The following LRRIQ1 variants were observed in gnomAD, a reference collection of about 807,000 sequenced individuals.
The protein encoded by LRRIQ1 is leucine rich repeats and IQ motif containing 1.
A neutral mutation model predicts 211.9 loss-of-function variants in LRRIQ1; 210 were observed. The observed-to-expected ratio is 0.99, with a 90% CI of 0.89 to 1.11. The LOEUF (loss-of-function observed/expected upper bound fraction) is 1.11. LRRIQ1 is among the 50% of genes most tolerant of loss of function. The pLI is 0.00. For synonymous variants in LRRIQ1, 699 were observed against 650.1 expected, an observed-to-expected ratio of 1.08 and a Z score of -1.14; for missense variants, 2,136 against 1,939.5, an observed-to-expected ratio of 1.10 and a Z score of -1.90.
rs150938936 is a variant in LRRIQ1 at position 85,195,510 on chromosome 12, C to T, written c.4823-34007C>T. Reference sequence around the variant, plus strand: ...TGGGCTTCATCCCTGGGATGCAAGGCTGGTTCAATATACCCAAATCAATTT... The same window carrying T: ...TGGGCTTCATCCCTGGGATGCAAGGTTGGTTCAATATACCCAAATCAATTT... On this transcript the variant is annotated intron_variant, in intron 24 of 26. Transcript: ENST00000393217. Among the ~76,000 whole-genome samples the T allele has an allele frequency of 5.1e-3, 782 of 152,168 alleles. 5 individuals carry two copies. The highest frequency in any genetic ancestry group is 0.018 in the African/African-American group (744 of 41,494).
intron 11 of LRRIQ1, among the ~76,000 whole-genome samples, chr12:85,086,992 G>A (rs1389152287): frequency 6.6e-6 from 1 of 151,284 alleles, no homozygotes; most frequent in Non-Finnish European, 1.5e-5. Context: ...TGTGCACAAC[G>A]TGCAGGTTTG....
intron 15 of LRRIQ1, among the ~76,000 whole-genome samples, chr12:85,119,599 G>A (rs1011683176): frequency 1.3e-5 from 2 of 152,132 alleles, no homozygotes; most frequent in Non-Finnish European, 2.9e-5. Context: ...GTCTTCCAAA[G>A]TGGCTGTACC....
At chr12:85,054,815 T>C (rs1157039514) in intron 7 of LRRIQ1, among the ~76,000 whole-genome samples, 1 of 152,142 alleles carries the variant, frequency 6.6e-6, no homozygotes, top group East Asian at 1.9e-4. Context: ...AATAGTTTGA[T>C]TTTCTCAGAA....
intron 8 of LRRIQ1, among the ~76,000 whole-genome samples, chr12:85,064,117 C>T (rs768313067): frequency 1.4e-4 from 21 of 151,802 alleles, no homozygotes; most frequent in Admixed American, 3.3e-4. Context: ...CTGTTCTCCA[C>T]GGTGGCTGTA....
intron 24 of LRRIQ1, among the ~76,000 whole-genome samples, chr12:85,180,804 A>G (rs1891943208): frequency 6.6e-6 from 1 of 151,900 alleles, no homozygotes. Flanking sequence ...TTAGAATTTG[A>G]TTATAGTAAC....
intron 24 of LRRIQ1, among the ~76,000 whole-genome samples, chr12:85,198,107 TTATATATAATATATAA>T (rs2136999089): frequency 8.4e-6 from 1 of 119,282 alleles, no homozygotes; most frequent in Admixed American, 1.1e-4. Context: ...ATTATATTAT[TTATATATAATATATAA>T]TATATATTAT....
intron 18 of LRRIQ1, among the ~76,000 whole-genome samples, chr12:85,129,923 C>T (rs1006610402): frequency 2.0e-5 from 3 of 152,072 alleles, no homozygotes; most frequent in South Asian, 2.1e-4. Context: ...AGCACGGACC[C>T]GAGTATCAGC....
chr12:85,193,080 A>T (rs10862962), intron 24 of LRRIQ1, among the ~76,000 whole-genome samples: 134 of 108,224 alleles, frequency 1.2e-3, no homozygotes, highest in African/African-American at 4.8e-3. Context: ...ATATTTTATT[A>T]TATATAATTA....
chr12:85,098,797 TA>T, intron 12 of LRRIQ1, 69 bp from the exon 13 acceptor site: 1 of 1,184,938 alleles, frequency 8.4e-7, no homozygotes, highest in Non-Finnish European at 1.2e-6. Context: ...GAAGGTTGTG[TA>T]TTTTTTAATT....
intron 4 of LRRIQ1, among the ~76,000 whole-genome samples, chr12:85,045,259 G>A (rs996353147): frequency 6.6e-6 from 1 of 151,790 alleles, no homozygotes; most frequent in Non-Finnish European, 1.5e-5. Context: ...AATAAGAAGA[G>A]CCTTAGCAGT....
chr12:85,046,206 T>C (rs931710587), intron 5 of LRRIQ1, 69 bp downstream of exon 5: 3 of 880,454 alleles, frequency 3.4e-6, no homozygotes, highest in Admixed American at 4.2e-5. Context: ...TTAAAAAAAA[T>C]TGGACAGTTG....
chr12:85,161,232 G>A (rs1176081611), intron 24 of LRRIQ1, among the ~76,000 whole-genome samples: 4 of 151,888 alleles, frequency 2.6e-5, no homozygotes, highest in Non-Finnish European at 4.4e-5. Flanking sequence ...TGATTTCAAC[G>A]TTCAGAAAAA....
chr12:85,255,177 A>C (rs538621231), intron 1 of LRRIQ1, among the ~76,000 whole-genome samples: 1 of 151,884 alleles, frequency 6.6e-6, no homozygotes, highest in African/African-American at 2.4e-5. Context: ...ATACTCTACT[A>C]TAACTCCAGT....
chr12:85,107,724 A>G lies in LRRIQ1; in HGVS notation c.3377+1109A>G, dbSNP rs367861160. 7.3e-5 allele frequency among the ~76,000 whole-genome samples: 11 copies of G among 151,236 alleles called. No homozygotes were observed. The South Asian group carries it at 1.0e-3, about 14-fold the overall frequency. On this transcript the variant is annotated intron_variant, in intron 15 of 26. Transcript: ENST00000393217. ...TGTTTTCTTTTACTTATTATTATTT[A>G]TTTCCCTTTCCATGCCTCACTCACT...
At chr12:85,149,198 T>C (rs913976016) in intron 19 of LRRIQ1, among the ~76,000 whole-genome samples, 1 of 152,054 alleles carries the variant, frequency 6.6e-6, no homozygotes, top group African/African-American at 2.4e-5. Flanking sequence ...CAATTGCTTT[T>C]GGCATTATCG....
At chr12:85,137,036 C>A (rs911842792) in intron 18 of LRRIQ1, among the ~76,000 whole-genome samples, 3 of 151,302 alleles carry the variant, frequency 2.0e-5, no homozygotes, top group South Asian at 2.1e-4. Context: ...CTGTTTTATG[C>A]CTTTATAGGT....
At position 85,047,472 on chromosome 12, in the gene LRRIQ1, T is replaced by C. The variant is rs753288563; in HGVS notation, c.678+2T>C. ...AAGAAATTAGAGAACATTCAGAAGGTATTTTGCTTTTGTTTTTCATGTATT... is the reference window on the plus strand; with the variant it reads ...AAGAAATTAGAGAACATTCAGAAGGCATTTTGCTTTTGTTTTTCATGTATT... On this transcript the variant is annotated splice_donor_variant, in intron 6 of 26. Coordinates refer to ENST00000393217, the MANE Select transcript of LRRIQ1 (RefSeq NM_001079910.2). LOFTEE classifies it high-confidence loss of function. The C allele has an allele frequency of 2.0e-5, 32 of 1,606,160 alleles. No individual in the cohort carries two copies. The highest frequency in any genetic ancestry group is 2.7e-5 in the Non-Finnish European group (32 of 1,176,940).
chr12:85,132,945 T>C (rs1222921218), intron 18 of LRRIQ1, among the ~76,000 whole-genome samples: 2 of 152,054 alleles, frequency 1.3e-5, no homozygotes, highest in East Asian at 3.9e-4. Flanking sequence ...GTATGCTCCA[T>C]AATGGGTAAG....
At chr12:85,112,368 G>T (rs538609114) in intron 15 of LRRIQ1, among the ~76,000 whole-genome samples, 2 of 151,280 alleles carry the variant, frequency 1.3e-5, no homozygotes, top group Admixed American at 6.6e-5. Context: ...TAAAGTTAAT[G>T]TATAAATAGG....
Sources: gnomAD v4.1 joint callset for allele counts (sites outside exome capture counted in the v4.1 genomes callset) on GRCh38, gnomAD v4.1.1 for gene constraint, MANE v1.5 for transcripts, NCBI Gene and HGNC (gene_info 2026-07-23, HGNC 2026-07-21) for gene names.